Variants in TP53BP1 observed in about 807,000 individuals in gnomAD.
The protein encoded by TP53BP1 is tumor protein p53 binding protein 1.
A neutral mutation model predicts 200.8 loss-of-function variants in TP53BP1; 61 were observed. The ratio of observed to expected loss-of-function variants is 0.30; its 90% CI spans 0.25 to 0.38. The LOEUF is 0.38. Ranked by LOEUF, TP53BP1 falls within the 10% of genes least tolerant of loss-of-function variation. The pLI is 1.00. For synonymous variants in TP53BP1, 822 were observed against 844.3 expected (o/e 0.97, Z 0.46); for missense variants, 2,144 against 2,371.9 (o/e 0.90, Z 2.00).
At chr15:43,459,151 A>G (rs2046370326) in intron 11 of TP53BP1, among the ~76,000 whole-genome samples, 2 of 152,266 alleles carry the variant, frequency 1.3e-5, no homozygotes, top group South Asian at 4.1e-4. Context: ...CAGCCTGGCC[A>G]ACATGGTGAA....
rs752664194 is a variant in TP53BP1 at position 43,403,715 on chromosome 15, C to G, written c.*3668G>C. The G allele has an allele frequency of 8.1e-6, 13 of 1,613,170 alleles. No individual in the cohort carries two copies. In the South Asian group the frequency reaches 1.4e-4, roughly 18 times the overall value. On this transcript the variant is annotated 3_prime_UTR_variant, in exon 28 of 28. Coordinates refer to ENST00000382044, the MANE Select transcript of TP53BP1 (RefSeq NM_001141980.3). The stretch of plus-strand genomic sequence containing the variant: ...ACTGCCTGAATGAAATCCTAGATCT[C>G]TGTCACAGTTTTTGTTCGCTGGTCA...
At chr15:43,419,030 G>A (rs1305867747) in intron 21 of TP53BP1, among the ~76,000 whole-genome samples, 2 of 152,164 alleles carry the variant, frequency 1.3e-5, no homozygotes, top group Non-Finnish European at 2.9e-5. Context: ...GACCAGCCTG[G>A]CCAATATGGC....
chr15:43,421,627 A>C, intron 19 of TP53BP1: 1 of 613,154 alleles, frequency 1.6e-6, no homozygotes, highest in South Asian at 2.1e-5. Context: ...CCTGTTACCT[A>C]CATTTTCTCA....
chr15:43,470,078 C>A lies in TP53BP1; in HGVS notation c.1181-12G>T. 1 of 1,603,820 alleles carries A rather than the reference C, an allele frequency of 6.2e-7. No individual in the cohort carries two copies. The highest frequency in any genetic ancestry group is 8.5e-7 in the Non-Finnish European group (1 of 1,172,816). ...GTCCATTGGCTTATCTGGTTTAAAA[C>A]AGGAGAAACAAATTGAGAAATATCA... is the stretch of plus-strand genomic sequence containing the variant. On this transcript the variant is annotated splice_polypyrimidine_tract_variant and intron_variant, in intron 10 of 27. Transcript: ENST00000382044.
Position 43,492,325 on chromosome 15 carries a change from G to GAGATA in TP53BP1, c.150_151insTATCT (p.His51TyrfsTer41). On this transcript the variant is annotated frameshift_variant, in exon 2 of 28. Coordinates refer to ENST00000382044, the MANE Select transcript of TP53BP1 (RefSeq NM_001141980.3). LOFTEE classifies it high-confidence loss of function. Reference sequence around the variant, plus strand: ...TTGTGCGTCTGGAGATTAGGAAGGTGTCGAGATAGCATACTGAAGTGAGAA... The same window carrying GAGATA: ...TTGTGCGTCTGGAGATTAGGAAGGTGAGATATCGAGATAGCATACTGAAGTGAGAA... 6.2e-7 allele frequency: 1 copy of GAGATA among 1,614,176 alleles called. No individual in the cohort carries two copies. Among genetic ancestry groups the GAGATA allele is most frequent in the Non-Finnish European group, 8.5e-7 (1 of 1,180,024 alleles).
intron 12 of TP53BP1, among the ~76,000 whole-genome samples, chr15:43,452,891 CATTTA>C (rs2046203445): frequency 6.6e-6 from 1 of 152,050 alleles, no homozygotes; most frequent in Non-Finnish European, 1.5e-5. Flanking sequence ...GCTTCTTTTG[CATTTA>C]ATTTAAAAGT....
At chr15:43,430,621 G>C (rs895020211) in intron 17 of TP53BP1, among the ~76,000 whole-genome samples, 2 of 152,106 alleles carry the variant, frequency 1.3e-5, no homozygotes, top group African/African-American at 4.8e-5. Context: ...AACTGAAAAA[G>C]CAATTTGACC....
At chr15:43,490,779 T>C (rs1369639247) in intron 4 of TP53BP1, among the ~76,000 whole-genome samples, 1 of 152,206 alleles carries the variant, frequency 6.6e-6, no homozygotes, top group East Asian at 1.9e-4. Context: ...AAGCAAGTTA[T>C]CTAATTTCTT....
chr15:43,508,726 T>C (rs1187305505), intron 1 of TP53BP1, among the ~76,000 whole-genome samples: 1 of 152,198 alleles, frequency 6.6e-6, no homozygotes, highest in African/African-American at 2.4e-5. Context: ...AAGAGGAGGA[T>C]AATTAACAGA....
chr15:43,415,371 G>A (rs1415839211), intron 23 of TP53BP1: 1 of 649,578 alleles, frequency 1.5e-6, no homozygotes, highest in South Asian at 1.6e-5. Context: ...ACCACACTCA[G>A]CTAATTCTGG....
At position 43,406,913 on chromosome 15, in the gene TP53BP1, T is replaced by C. The variant is rs1195552244; in HGVS notation, c.*470A>G. The C allele has an allele frequency of 4.0e-6, 1 of 247,516 alleles. No individual in the cohort carries two copies. The highest frequency in any genetic ancestry group is 8.0e-6 in the Non-Finnish European group (1 of 125,060). The allele number at this position is 247,516 out of a possible 1,614,324, so 15.3% of individuals were successfully genotyped here. A position where few individuals can be genotyped will look rare whatever the true frequency, so the allele number is the denominator to read the frequency against. ...GTGATCTCAGCTCAGAGAGAGAGCA[T>C]GAGGTCTTTTTTAACTGTCAGGAAA... On this transcript the variant is annotated 3_prime_UTR_variant, in exon 28 of 28. Transcript: ENST00000382044.
At chr15:43,478,384 A>G (rs2078914171) in intron 7 of TP53BP1, among the ~76,000 whole-genome samples, 2 of 152,212 alleles carry the variant, frequency 1.3e-5, no homozygotes, top group African/African-American at 4.8e-5. Context: ...AAAAGCCTAA[A>G]AAGTCACTGT....
At chr15:43,452,121 C>G (rs914082591) in intron 12 of TP53BP1, among the ~76,000 whole-genome samples, 2 of 151,182 alleles carry the variant, frequency 1.3e-5, no homozygotes, top group African/African-American at 4.9e-5. Context: ...GGCGACAGAG[C>G]AAGACTCTGT....
intron 1 of TP53BP1, among the ~76,000 whole-genome samples, chr15:43,509,876 C>CA (rs373145185): frequency 6.6e-6 from 1 of 151,716 alleles, no homozygotes; most frequent in East Asian, 1.9e-4. Flanking sequence ...AACAAAAAAA[C>CA]AAAAAAACAA....
chr15:43,454,061 T>A (rs2046235832), intron 12 of TP53BP1, among the ~76,000 whole-genome samples: 1 of 151,360 alleles, frequency 6.6e-6, no homozygotes, highest in African/African-American at 2.4e-5. Flanking sequence ...AAAAATTAGC[T>A]GGGCATGGTG....
intron 8 of TP53BP1, among the ~76,000 whole-genome samples, chr15:43,476,856 T>C (rs979139827): frequency 6.6e-6 from 1 of 152,234 alleles, no homozygotes; most frequent in Non-Finnish European, 1.5e-5. Context: ...TATATCCTTT[T>C]AAGTTTTATG....
At chr15:43,427,143 CATT>C (rs2045558941) in intron 18 of TP53BP1, among the ~76,000 whole-genome samples, 1 of 152,068 alleles carries the variant, frequency 6.6e-6, no homozygotes, top group Non-Finnish European at 1.5e-5. Flanking sequence ...TAATCTCTCT[CATT>C]ATTAGATGTA....
chr15:43,454,063 G>C (rs1385095784), intron 12 of TP53BP1, among the ~76,000 whole-genome samples: 1 of 151,490 alleles, frequency 6.6e-6, no homozygotes, highest in Admixed American at 6.6e-5. Flanking sequence ...AAATTAGCTG[G>C]GCATGGTGGC....
intron 4 of TP53BP1, among the ~76,000 whole-genome samples, chr15:43,487,082 C>T (rs573599152): frequency 5.9e-5 from 9 of 152,132 alleles, no homozygotes; most frequent in Admixed American, 5.2e-4. Flanking sequence ...CTACAAAAGA[C>T]TAGTATCTAG....
Sources: allele counts gnomAD v4.1 joint callset (sites outside exome capture counted in the v4.1 genomes callset), GRCh38; gene constraint gnomAD v4.1.1; transcripts MANE v1.5; gene names NCBI Gene and HGNC (gene_info 2026-07-23, HGNC 2026-07-21).